CCDC12: variants seen among roughly 807,000 people sequenced by gnomAD.
CCDC12 encodes the protein coiled-coil domain containing 12.
In CCDC12, 28 loss-of-function variants were observed where a neutral mutation model predicts 25.7. The ratio of observed to expected loss-of-function variants is 1.09; its 90% confidence interval spans 0.81 to 1.50. The LOEUF is 1.50. Among genes scored for constraint, CCDC12 ranks in the 40% most tolerant of loss-of-function variants. CCDC12 has a pLI of 0.00. For missense variants in CCDC12, 198 were observed against 210.0 expected, an observed-to-expected ratio of 0.94 and a Z score of 0.35; for synonymous variants, 75 against 87.7, an observed-to-expected ratio of 0.86 and a Z score of 0.81.
At chr3:46,974,368 C>T (rs2034901259) in intron 1 of CCDC12, among the ~76,000 whole-genome samples, 1 of 152,190 alleles carries the variant, frequency 6.6e-6, no homozygotes, top group Non-Finnish European at 1.5e-5. Context: ...CTGAGAGGAT[C>T]CCTCTTTAAA....
At chr3:46,945,419 C>T (rs2033866622) in intron 1 of CCDC12, among the ~76,000 whole-genome samples, 1 of 152,240 alleles carries the variant, frequency 6.6e-6, no homozygotes, top group South Asian at 2.1e-4. Flanking sequence ...CACACCTAGA[C>T]CTTGCACCCC....
chr3:46,931,402 G>A (rs533384456), intron 2 of CCDC12, among the ~76,000 whole-genome samples: 24 of 152,262 alleles, frequency 1.6e-4, no homozygotes, highest in African/African-American at 5.5e-4. Flanking sequence ...CTAGAATGGC[G>A]AAATGAAAGG....
Position 46,964,409 on chromosome 3 carries a change from G to A in CCDC12, c.96+12228C>T, listed in dbSNP as rs567864480. On this transcript the variant is annotated intron_variant, in intron 1 of 6. Coordinates refer to ENST00000683445, the MANE Select transcript of CCDC12 (RefSeq NM_001277074.2). ...TCTGCCCGGCCGCCCCTTCTGGGAA[G>A]TGAGGAGCCCCTCTACCCGGCCACC... Among the ~76,000 whole-genome samples the A allele has an allele frequency of 3.1e-4, 47 of 152,360 alleles. 1 individual carries two copies. Among genetic ancestry groups the A allele is most frequent in the Admixed American group, 2.8e-3 (43 of 15,300 alleles).
Position 46,960,230 on chromosome 3 carries a change from G to A in CCDC12, c.96+16407C>T, listed in dbSNP as rs146456767. On this transcript the variant is annotated intron_variant, in intron 1 of 6. Transcript: ENST00000683445. ...ACCCCATTTCCCACCCAGGCTCTGTGCACAGAGAGGCCTCAACAATAACAC... is the reference window on the plus strand; with the variant it reads ...ACCCCATTTCCCACCCAGGCTCTGTACACAGAGAGGCCTCAACAATAACAC... Among the ~76,000 whole-genome samples, 11 of 152,236 alleles carry A rather than the reference G, an allele frequency of 7.2e-5. No homozygotes were observed. In the East Asian group the frequency reaches 1.9e-3, roughly 27 times the overall value.
chr3:46,932,127 C>T (rs1333480284), intron 2 of CCDC12, among the ~76,000 whole-genome samples: 1 of 152,228 alleles, frequency 6.6e-6, no homozygotes, highest in Non-Finnish European at 1.5e-5. Context: ...TTTCAAGGGC[C>T]ATTAAAATGT....
chr3:46,972,149 T>C (rs2034823119), intron 1 of CCDC12, among the ~76,000 whole-genome samples: 4 of 152,154 alleles, frequency 2.6e-5, no homozygotes, highest in Non-Finnish European at 2.9e-5. Context: ...TTGAACTTCA[T>C]CAAATTTTAA....
In CCDC12 at chr3:46,921,795, C is replaced by T. The variant is rs932702800; in HGVS notation, c.*262G>A. 9 of 529,970 alleles carry T rather than the reference C, an allele frequency of 1.7e-5. No homozygotes were observed. Among genetic ancestry groups the T allele is most frequent in the South Asian group, 4.5e-5 (2 of 44,284 alleles). The allele number at this position is 529,970 out of a possible 1,614,324, so 32.8% of individuals were successfully genotyped here. The stretch of plus-strand genomic sequence containing the variant: ...TTTTTTAGAAAGTTCAAAATATATA[C>T]ATATATACAGACATATGTACATCCA... On this transcript the variant is annotated 3_prime_UTR_variant, in exon 7 of 7. Coordinates refer to ENST00000683445, the MANE Select transcript of CCDC12 (RefSeq NM_001277074.2).
In CCDC12 at chr3:46,922,080, G is replaced by T. The variant is rs759377783; in HGVS notation, c.478C>A (p.Gln160Lys). Residue 160 changes from glutamine (Q) to lysine (K), a missense_variant, in exon 7 of 7, where the codon CAA (glutamine) becomes AAA (lysine). Physicochemically the swap from Gln to Lys is moderately conservative, Grantham distance 53 (BLOSUM62 1). Transcript: ENST00000683445. ...CCTCAGTCGGAGTCACAGGTCTTTT[G>T]TTCGGTGGCAGCATCCACTGCAGAG... is the stretch of plus-strand genomic sequence containing the variant. ...LASAVDAATEQKTCDSD is the reference protein window; with the variant it reads ...LASAVDAATEKKTCDSD 5.0e-6 allele frequency: 8 copies of T among 1,614,242 alleles called. No homozygotes were observed. Among genetic ancestry groups the T allele is most frequent in the Non-Finnish European group, 6.8e-6 (8 of 1,180,052 alleles).
chr3:46,971,874 G>A (rs1246262472), intron 1 of CCDC12, among the ~76,000 whole-genome samples: 1 of 152,140 alleles, frequency 6.6e-6, no homozygotes, highest in African/African-American at 2.4e-5. Context: ...TCAGAAACCT[G>A]AACTAAAAAT....
At chr3:46,951,894 G>A (rs900871590) in intron 1 of CCDC12, among the ~76,000 whole-genome samples, 1 of 142,496 alleles carries the variant, frequency 7.0e-6, no homozygotes, top group Non-Finnish European at 1.5e-5. Context: ...GAGGCCCCAG[G>A]CTACAAGAAC....
Position 46,921,940 on chromosome 3 carries a change from A to G in CCDC12, c.*117T>C. 2 of 1,058,496 alleles carry G rather than the reference A, an allele frequency of 1.9e-6. No homozygotes were observed. Among genetic ancestry groups the G allele is most frequent in the Admixed American group, 2.1e-5 (1 of 47,744 alleles). 65.6% of individuals were successfully genotyped at this position (1,058,496 alleles called of 1,614,324 possible). On this transcript the variant is annotated 3_prime_UTR_variant, in exon 7 of 7. Coordinates refer to ENST00000683445, the MANE Select transcript of CCDC12 (RefSeq NM_001277074.2). ...CATGGGGGTTTCAGACTTGATGGGCAGGGAGTCTCTGCTCAGAAGCCAAAC... is the reference window on the plus strand; with the variant it reads ...CATGGGGGTTTCAGACTTGATGGGCGGGGAGTCTCTGCTCAGAAGCCAAAC...
intron 1 of CCDC12, 116 bp downstream of exon 1, chr3:46,976,521 G>C: frequency 6.9e-7 from 1 of 1,451,140 alleles, no homozygotes; most frequent in East Asian, 2.5e-5. Context: ...GTTAGCGCCC[G>C]CGCATGCGCG....
intron 1 of CCDC12, among the ~76,000 whole-genome samples, chr3:46,966,923 C>T (rs2034659070): frequency 6.6e-6 from 1 of 152,114 alleles, no homozygotes; most frequent in Non-Finnish European, 1.5e-5. Context: ...CCTCATGCCG[C>T]CCCACCCCAC....
At chr3:46,963,833 T>C (rs1377395420) in intron 1 of CCDC12, among the ~76,000 whole-genome samples, 1 of 152,248 alleles carries the variant, frequency 6.6e-6, no homozygotes, top group African/African-American at 2.4e-5. Context: ...CCGCCTGCCT[T>C]GGCCTCCCAA....
At chr3:46,966,260 C>A (rs1453532350) in intron 1 of CCDC12, 1 of 152,350 alleles carries the variant, frequency 6.6e-6, no homozygotes, top group African/African-American at 2.4e-5. Context: ...CGCCTATAAT[C>A]CCAACACTTT....
chr3:46,924,936 C>T (rs767686061), intron 3 of CCDC12: 14 of 240,118 alleles, frequency 5.8e-5, no homozygotes, highest in Non-Finnish European at 1.1e-4. Context: ...GTGGTGTGGA[C>T]GGCCAGAAGC....
intron 1 of CCDC12, among the ~76,000 whole-genome samples, chr3:46,972,365 A>C (rs2034829989): frequency 6.6e-6 from 1 of 152,224 alleles, no homozygotes; most frequent in South Asian, 2.1e-4. Context: ...AATCCAGAGA[A>C]TGGGAAAAAA....
At chr3:46,951,825 T>TATA (rs1559559184) in intron 1 of CCDC12, among the ~76,000 whole-genome samples, 676 of 29,842 alleles carry the variant, frequency 0.023, 114 homozygotes, top group East Asian at 0.048. Flanking sequence ...ATATATATAC[T>TATA]TAATGAGGAT....
chr3:46,951,726 G>A lies in CCDC12; in HGVS notation c.97-10661C>T, dbSNP rs187853559. On this transcript the variant is annotated intron_variant, in intron 1 of 6. Coordinates refer to ENST00000683445, the MANE Select transcript of CCDC12 (RefSeq NM_001277074.2). ...ACTAGGGAGGCGGAGCTTGCAGTGA[G>A]CCAAGATTGTGCCACTGCACTCCAG... Among the ~76,000 whole-genome samples the A allele has an allele frequency of 4.7e-3, 632 of 135,688 alleles. 5 individuals are homozygous for A. The highest frequency in any genetic ancestry group is 0.017 in the African/African-American group (597 of 35,654). The allele number at this position is 135,688 out of a possible 152,430, so 89.0% of individuals were successfully genotyped here.
Sources: allele counts gnomAD v4.1 joint callset (sites outside exome capture counted in the v4.1 genomes callset), GRCh38; gene constraint gnomAD v4.1.1; transcripts MANE v1.5; gene names NCBI Gene and HGNC (gene_info 2026-07-23, HGNC 2026-07-21).